Variants in BRD4 observed in about 807,000 individuals in gnomAD.
BRD4 encodes bromodomain-containing protein 4.
A neutral mutation model predicts 142.1 loss-of-function variants in BRD4; 16 were observed. That is an observed-to-expected ratio of 0.11 (90% CI 0.08 to 0.17). BRD4 has a LOEUF of 0.17. Among genes scored for constraint, BRD4 ranks in the 10% least tolerant of loss-of-function variants. The pLI, the probability that BRD4 is intolerant of heterozygous loss-of-function variation, is 1.00. For synonymous variants in BRD4, 833 were observed against 707.5 expected (o/e 1.18, Z -2.82); for missense variants, 1,424 against 1,810.9 (o/e 0.79, Z 3.88).
intron 7 of BRD4, 151 bp from the exon 8 acceptor site, chr19:15,257,324 G>C (rs1372042180): frequency 1.4e-6 from 1 of 728,090 alleles, no homozygotes; most frequent in Non-Finnish European, 2.2e-6. Context: ...GCCGAGACAG[G>C]GGCAAGGGCC....
chr19:15,246,843 G>T (rs2047292001), intron 11 of BRD4, among the ~76,000 whole-genome samples: 1 of 152,164 alleles, frequency 6.6e-6, no homozygotes, highest in Non-Finnish European at 1.5e-5. Flanking sequence ...AAAAGTGGGG[G>T]AGAGAAGGCG....
At chr19:15,276,367 C>G (rs982481548) in intron 1 of BRD4, among the ~76,000 whole-genome samples, 11 of 152,280 alleles carry the variant, frequency 7.2e-5, no homozygotes, top group South Asian at 4.1e-4. Flanking sequence ...GCGGTTCCCC[C>G]CAACCCCACA....
At chr19:15,265,726 A>T in intron 4 of BRD4, 83 bp from the exon 5 acceptor site, 2 of 1,411,050 alleles carry the variant, frequency 1.4e-6, no homozygotes, top group South Asian at 2.3e-5. Flanking sequence ...TACACCACAC[A>T]CAGTGAACGC....
chr19:15,239,701 T>TG lies in BRD4; in HGVS notation c.3402dup (p.Lys1135GlnfsTer42). The stretch of plus-strand genomic sequence containing the variant: ...GGGGCCTTGATGCTCTCCGGGTGCT[T>TG]GGGGGGCTCCGGCCGCAGCGAGGGG... On this transcript the variant is annotated frameshift_variant, in exon 16 of 20. Transcript: ENST00000679869. LOFTEE classifies it high-confidence loss of function. This position sits in a 1 kb window ranked among gnomAD's most constrained non-coding sequence, Gnocchi z 7.4. 1 of 1,595,280 alleles carries TG rather than the reference T, an allele frequency of 6.3e-7. No individual in the cohort carries two copies.
intron 1 of BRD4, among the ~76,000 whole-genome samples, chr19:15,308,998 G>A (rs2047942251): frequency 6.6e-6 from 1 of 151,236 alleles, no homozygotes; most frequent in Admixed American, 6.6e-5. Context: ...CTGGGAGACA[G>A]AGCAAGACTC....
chr19:15,245,073 G>C (rs956224248), intron 11 of BRD4: 9 of 481,756 alleles, frequency 1.9e-5, no homozygotes, highest in African/African-American at 1.4e-4. Context: ...CACTACTCAA[G>C]GGTCAGTCAC....
chr19:15,254,411 C>T, intron 10 of BRD4, 149 bp from the exon 11 acceptor site: 1 of 662,964 alleles, frequency 1.5e-6, no homozygotes, highest in South Asian at 1.8e-5. Context: ...TGCCAGCTGC[C>T]ACTCCCAGAA....
At chr19:15,280,228 C>A (rs201367942) in intron 1 of BRD4, 31 of 1,002,742 alleles carry the variant, frequency 3.1e-5, no homozygotes, top group Non-Finnish European at 3.7e-5. Flanking sequence ...ACAGTGTGTG[C>A]TTCAAGTCCT....
Position 15,244,705 on chromosome 19 carries a change from T to G in BRD4, c.2211+5A>C, listed in dbSNP as rs200422540. On this transcript the variant is annotated splice_donor_5th_base_variant and intron_variant, in intron 12 of 19. Coordinates refer to ENST00000679869, the MANE Select transcript of BRD4 (RefSeq NM_001379291.1). ...CTAATGAAGGATGCCCCTGAGCCCA[T>G]GTACCTTCTTCTGCTCCCTCCCGGG... is the stretch of plus-strand genomic sequence containing the variant. 4 of 1,614,136 alleles carry G rather than the reference T, an allele frequency of 2.5e-6. No individual in the cohort carries two copies. The South Asian group carries it at 3.3e-5, about 13-fold the overall frequency.
intron 1 of BRD4, among the ~76,000 whole-genome samples, chr19:15,322,848 TAGAG>T (rs1003835076): frequency 6.8e-5 from 7 of 103,066 alleles, no homozygotes; most frequent in Admixed American, 1.3e-4. Context: ...GCCTGGGAGA[TAGAG>T]AGAGACTCTG....
chr19:15,265,119 C>G (rs2047517918), intron 5 of BRD4, among the ~76,000 whole-genome samples: 1 of 152,210 alleles, frequency 6.6e-6, no homozygotes, highest in African/African-American at 2.4e-5. Context: ...CAAATATGCA[C>G]AGTCTAAATA....
rs1453918874 is a variant in BRD4 at position 15,239,891 on chromosome 19, G to T, written c.3282+19C>A. ...CCCGGCCCTAGCCCACAGGACTATG[G>T]CCCAGCCCTGCCAGTTACCTGTTTC... is the stretch of plus-strand genomic sequence containing the variant. On this transcript the variant is annotated intron_variant, in intron 15 of 19. Coordinates refer to ENST00000679869, the MANE Select transcript of BRD4 (RefSeq NM_001379291.1). The surrounding 1 kb of genome is among the most constrained non-coding windows in gnomAD (Gnocchi z 7.4). The T allele has an allele frequency of 3.7e-6, 6 of 1,613,950 alleles. No homozygotes were observed. Among genetic ancestry groups the T allele is most frequent in the Non-Finnish European group, 5.1e-6 (6 of 1,180,036 alleles).
chr19:15,298,604 G>A (rs991460593), intron 1 of BRD4, among the ~76,000 whole-genome samples: 7 of 111,492 alleles, frequency 6.3e-5, no homozygotes, highest in African/African-American at 2.6e-4. Context: ...CTGGGCAACA[G>A]GGCGAGACTC....
rs1242800908 is a variant in BRD4 at position 15,264,641 on chromosome 19, G to A, written c.975C>T (p.Ser325=). Residue 325 remains serine, a synonymous_variant, in exon 6 of 20, where the codon AGC becomes AGT. Transcript: ENST00000679869. ...TTKLGQRRES[S]RPVKPPKKDV... is the part of the protein sequence containing the mutation. ...CCTTCTTTGGAGGTTTCACAGGCCG[G>A]CTGCTCTCCCGCCGCTGGCCCAGCT... 6.2e-7 allele frequency: 1 copy of A among 1,613,732 alleles called. No homozygotes were observed. The highest frequency in any genetic ancestry group is 1.7e-5 in the Admixed American group (1 of 60,026).
Position 15,279,523 on chromosome 19 carries a change from C to G in BRD4, c.-34-6390G>C, listed in dbSNP as rs2047684496. Among the ~76,000 whole-genome samples, 2 of 152,252 alleles carry G rather than the reference C, an allele frequency of 1.3e-5. 1 individual carries two copies. Among genetic ancestry groups the G allele is most frequent in the South Asian group, 4.1e-4 (2 of 4,826 alleles). ...TCCTTCAAAGGGGCTTTCAGGGTCT[C>G]CAGACAGGCTTTGTTCTGAACCCAC... On this transcript the variant is annotated intron_variant, in intron 1 of 19. Transcript: ENST00000679869.
At chr19:15,255,255 T>G (rs2145569503) in intron 10 of BRD4, 42 bp downstream of exon 10, 3 of 1,564,192 alleles carry the variant, frequency 1.9e-6, no homozygotes, top group Middle Eastern at 1.8e-4. Flanking sequence ...ACTCTGAGGG[T>G]GCCCACAGAA....
chr19:15,269,401 A>C (rs547418029), intron 2 of BRD4, among the ~76,000 whole-genome samples: 124 of 152,304 alleles, frequency 8.1e-4, no homozygotes, highest in African/African-American at 2.8e-3. Flanking sequence ...TTAAAAAGCA[A>C]TCCTCACCTA....
intron 7 of BRD4, among the ~76,000 whole-genome samples, chr19:15,258,963 G>A (rs1376425160): frequency 6.6e-6 from 1 of 152,220 alleles, no homozygotes; most frequent in African/African-American, 2.4e-5. Flanking sequence ...AACAAGGGAC[G>A]ACCAGAGGCC....
At chr19:15,270,367 G>T (rs2047574110) in intron 2 of BRD4, among the ~76,000 whole-genome samples, 1 of 152,170 alleles carries the variant, frequency 6.6e-6, no homozygotes, top group African/African-American at 2.4e-5. Context: ...CTGCCCTGGG[G>T]GTGAGGGCTA....
Sources: gnomAD v4.1 joint callset for allele counts (sites outside exome capture counted in the v4.1 genomes callset) on GRCh38, gnomAD v4.1.1 for gene constraint, Gnocchi (gnomAD v3.1) non-coding constraint, MANE v1.5 for transcripts, NCBI Gene and HGNC (gene_info 2026-07-23, HGNC 2026-07-21) for gene names.